The following RNGTT variants were observed in gnomAD, a reference collection of about 807,000 sequenced individuals.
The protein encoded by RNGTT is RNA guanylyltransferase and 5'-phosphatase.
A neutral mutation model predicts 79.3 loss-of-function variants in RNGTT; 33 were observed. The ratio of observed to expected loss-of-function variants is 0.42; its 90% CI spans 0.32 to 0.56. The LOEUF (loss-of-function observed/expected upper bound fraction) is 0.56, where lower values mean the gene tolerates loss of function less well. Ranked by LOEUF, RNGTT falls within the 20% of genes least tolerant of loss-of-function variation. RNGTT has a pLI of 0.17. For missense variants in RNGTT, 497 were observed against 739.1 expected, an observed-to-expected ratio of 0.67 and a Z score of 3.80; for synonymous variants, 222 against 235.9, an observed-to-expected ratio of 0.94 and a Z score of 0.54.
chr6:88,794,669 A>C (rs758352838), intron 12 of RNGTT, among the ~76,000 whole-genome samples: 20 of 152,260 alleles, frequency 1.3e-4, no homozygotes, highest in Non-Finnish European at 1.9e-4. Flanking sequence ...GCAAAAATAT[A>C]ACCAAAAGAG....
At chr6:88,949,052 A>G (rs1174266172) in intron 1 of RNGTT, among the ~76,000 whole-genome samples, 1 of 120,704 alleles carries the variant, frequency 8.3e-6, no homozygotes, top group East Asian at 2.3e-4. Flanking sequence ...TCCCTCCACT[A>G]TTGTCCCATG....
intron 14 of RNGTT, among the ~76,000 whole-genome samples, chr6:88,616,330 C>CTT (rs1772216592): frequency 6.6e-6 from 1 of 152,156 alleles, no homozygotes; most frequent in East Asian, 1.9e-4. Flanking sequence ...GAAAATATCT[C>CTT]TTTGAGATCC....
chr6:88,802,568 C>T (rs1452114731), intron 11 of RNGTT, among the ~76,000 whole-genome samples: 1 of 152,138 alleles, frequency 6.6e-6, no homozygotes, highest in African/African-American at 2.4e-5. Flanking sequence ...TTCATTTTCA[C>T]ACTTGCTAAT....
At chr6:88,878,076 GTTTATTTATTTA>G (rs201880221) in intron 8 of RNGTT, among the ~76,000 whole-genome samples, 6,216 of 150,552 alleles carry the variant, frequency 0.041, 198 homozygotes, top group African/African-American at 0.077. Context: ...AATTTCATTT[GTTTATTTATTTA>G]TTTATTTATT....
chr6:88,785,029 T>C (rs1391247817), intron 12 of RNGTT, among the ~76,000 whole-genome samples: 2 of 152,126 alleles, frequency 1.3e-5, no homozygotes, highest in East Asian at 3.8e-4. Context: ...CGTGATTGTA[T>C]TATCTGGTTT....
chr6:88,801,632 G>T lies in RNGTT; in HGVS notation c.1270C>A (p.Leu424Ile). The T allele has an allele frequency of 6.3e-7, 1 of 1,597,126 alleles. No individual in the cohort carries two copies. The highest frequency in any genetic ancestry group is 8.6e-7 in the Non-Finnish European group (1 of 1,165,524). Residue 424 changes from leucine (L) to isoleucine (I), a missense_variant and splice_region_variant, in exon 12 of 16, where the codon CTA (leucine) becomes ATA (isoleucine). Physicochemically the swap from Leu to Ile is conservative, Grantham distance 5 (BLOSUM62 2). Coordinates refer to ENST00000369485, the MANE Select transcript of RNGTT (RefSeq NM_003800.5). Reference protein sequence around the residue: ...PFFDICTSRKLLEGNFAKEVS... With the variant: ...PFFDICTSRKILEGNFAKEVS... ...TCTTTGGCAAAATTTCCTTCAAGTA[G>T]CTATAAAATAAATACACATGTATTC...
intron 4 of RNGTT, among the ~76,000 whole-genome samples, chr6:88,919,533 G>A (rs1417293250): frequency 2.0e-5 from 3 of 151,946 alleles, no homozygotes; most frequent in Non-Finnish European, 4.4e-5. Context: ...TCTCTATGTT[G>A]CCAAGGCTGG....
At chr6:88,684,796 C>T (rs1775216063) in intron 13 of RNGTT, among the ~76,000 whole-genome samples, 1 of 151,884 alleles carries the variant, frequency 6.6e-6, no homozygotes, top group African/African-American at 2.4e-5. Flanking sequence ...AATTACATGT[C>T]AACATAGGTT....
In RNGTT at chr6:88,697,902, G is replaced by GAT. The variant is rs1289263378; in HGVS notation, c.1440-19485_1440-19484dup. Among the ~76,000 whole-genome samples, 4 of 80,560 alleles carry GAT rather than the reference G, an allele frequency of 5.0e-5. 2 individuals are homozygous for GAT. The African/African-American group carries it at 7.3e-4, about 15-fold the overall frequency. The allele number at this position is 80,560 out of a possible 152,430, so 52.9% of individuals were successfully genotyped here. On this transcript the variant is annotated intron_variant, in intron 13 of 15. Coordinates refer to ENST00000369485, the MANE Select transcript of RNGTT (RefSeq NM_003800.5). ...AAATATATATATGATATATATATAT[G>GAT]ATATATATATGAAATACATATATAT...
intron 13 of RNGTT, among the ~76,000 whole-genome samples, chr6:88,752,593 T>C (rs894623696): frequency 6.6e-5 from 10 of 152,174 alleles, no homozygotes; most frequent in African/African-American, 2.2e-4. Flanking sequence ...ATTGTTCTTG[T>C]AGTAGACTAA....
At chr6:88,799,184 G>C (rs1779700592) in intron 12 of RNGTT, among the ~76,000 whole-genome samples, 1 of 151,326 alleles carries the variant, frequency 6.6e-6, no homozygotes, top group South Asian at 2.1e-4. Context: ...AGCATTCATT[G>C]AGAAAGTGAT....
At chr6:88,704,816 C>A (rs952167614) in intron 13 of RNGTT, among the ~76,000 whole-genome samples, 1 of 151,620 alleles carries the variant, frequency 6.6e-6, no homozygotes, top group Non-Finnish European at 1.5e-5. Flanking sequence ...CTAGGCCAAA[C>A]TTCTATTCAT....
At chr6:88,860,827 A>C (rs1280069504) in intron 8 of RNGTT, among the ~76,000 whole-genome samples, 3 of 148,986 alleles carry the variant, frequency 2.0e-5, no homozygotes, top group Non-Finnish European at 4.5e-5. Context: ...TTTAACTTAA[A>C]AAAAAAAAAA....
chr6:88,681,212 A>G (rs1562191365), intron 13 of RNGTT, among the ~76,000 whole-genome samples: 1 of 152,218 alleles, frequency 6.6e-6, no homozygotes. Context: ...GATATTTAAA[A>G]ATCAATATGC....
Position 88,647,701 on chromosome 6 carries a change from T to A in RNGTT, c.1506+30652A>T, listed in dbSNP as rs7743198. On this transcript the variant is annotated intron_variant, in intron 14 of 15. Transcript: ENST00000369485. Reference sequence around the variant, plus strand: ...CTGGGTGACAGAACCGACACCCTGTTAAAAAAAAAAAAAAAAGAAGAAGAA... The same window carrying A: ...CTGGGTGACAGAACCGACACCCTGTAAAAAAAAAAAAAAAAAGAAGAAGAA... Among the ~76,000 whole-genome samples the A allele has an allele frequency of 2.1e-3, 207 of 100,786 alleles. 1 individual carries two copies. Among genetic ancestry groups the A allele is most frequent in the African/African-American group, 9.1e-3 (178 of 19,502 alleles). The allele number at this position is 100,786 out of a possible 152,430, so 66.1% of individuals were successfully genotyped here. A position where few individuals can be genotyped will look rare whatever the true frequency, so the allele number is the denominator to read the frequency against.
chr6:88,637,201 C>A (rs905131742), intron 14 of RNGTT, among the ~76,000 whole-genome samples: 1 of 151,992 alleles, frequency 6.6e-6, no homozygotes, highest in Admixed American at 6.6e-5. Context: ...TGATATATCA[C>A]ATAAACAGAA....
At chr6:88,782,726 G>A (rs1447080352) in intron 12 of RNGTT, among the ~76,000 whole-genome samples, 1 of 152,010 alleles carries the variant, frequency 6.6e-6, no homozygotes, top group Admixed American at 6.6e-5. Context: ...TTAAAAATGG[G>A]TAAGGGCCCT....
intron 8 of RNGTT, among the ~76,000 whole-genome samples, chr6:88,883,059 T>C (rs1782740976): frequency 6.6e-6 from 1 of 151,034 alleles, no homozygotes; most frequent in African/African-American, 2.4e-5. Context: ...ATTTCAGCTC[T>C]AGAAGACTGT....
At chr6:88,622,837 T>G (rs1011016994) in intron 14 of RNGTT, among the ~76,000 whole-genome samples, 19 of 152,108 alleles carry the variant, frequency 1.2e-4, no homozygotes, top group Admixed American at 1.2e-3. Flanking sequence ...GGTAAGGTGT[T>G]GTGGACTGGT....
Sources: allele counts gnomAD v4.1 joint callset (sites outside exome capture counted in the v4.1 genomes callset), GRCh38; gene constraint gnomAD v4.1.1; transcripts MANE v1.5; gene names NCBI Gene and HGNC (gene_info 2026-07-23, HGNC 2026-07-21).